The following PTPRD variants were observed in gnomAD, a reference collection of about 807,000 sequenced individuals.
The protein encoded by PTPRD is receptor-type tyrosine-protein phosphatase delta.
In PTPRD, 34 loss-of-function variants were observed where a neutral mutation model predicts 214.5. That is an observed-to-expected ratio of 0.16 (90% CI 0.12 to 0.21). PTPRD has a LOEUF of 0.21. Ranked by LOEUF, PTPRD falls within the 10% of genes least tolerant of loss-of-function variation. The pLI is 1.00. For synonymous variants in PTPRD, 1,128 were observed against 845.7 expected, an observed-to-expected ratio of 1.33 and a Z score of -5.79; for missense variants, 2,545 against 2,398.7, an observed-to-expected ratio of 1.06 and a Z score of -1.27.
rs1265224591 is a variant in PTPRD at position 8,924,080 on chromosome 9, TCTA to T, written c.-104+94614_-104+94616del. On this transcript the variant is annotated intron_variant, in intron 11 of 45. Coordinates refer to ENST00000381196, the MANE Select transcript of PTPRD (RefSeq NM_002839.4). ...GAAATATTTTAATTTTATTATTATG[TCTA>T]CTATTTGTCTTCATAAGGCGCAGTC... is the stretch of plus-strand genomic sequence containing the variant. 4.0e-5 allele frequency among the ~76,000 whole-genome samples: 6 copies of T among 151,154 alleles called. No homozygotes were observed. In the East Asian group the frequency reaches 5.9e-4, roughly 15 times the overall value.
chr9:9,473,460 T>C (rs890016920), intron 8 of PTPRD, among the ~76,000 whole-genome samples: 15 of 152,178 alleles, frequency 9.9e-5, no homozygotes, highest in Non-Finnish European at 1.5e-4. Context: ...CTTTGATATA[T>C]TGATTTTCTT....
intron 33 of PTPRD, among the ~76,000 whole-genome samples, chr9:8,450,810 C>A (rs1357775739): frequency 6.6e-6 from 1 of 152,042 alleles, no homozygotes; most frequent in Non-Finnish European, 1.5e-5. Flanking sequence ...GATTAAAAAC[C>A]CATTGAATCA....
chr9:10,383,707 A>G (rs994689530), intron 2 of PTPRD, among the ~76,000 whole-genome samples: 13 of 151,830 alleles, frequency 8.6e-5, no homozygotes, highest in African/African-American at 3.1e-4. Context: ...ATGACAAGAT[A>G]GAATCTCTAG....
At chr9:10,003,035 G>A (rs2154095394) in intron 4 of PTPRD, among the ~76,000 whole-genome samples, 1 of 151,794 alleles carries the variant, frequency 6.6e-6, no homozygotes, top group East Asian at 1.9e-4. Context: ...AAGAGAAACA[G>A]TTAATAATTA....
At chr9:9,493,433 T>A (rs1164848896) in intron 8 of PTPRD, among the ~76,000 whole-genome samples, 2 of 152,126 alleles carry the variant, frequency 1.3e-5, no homozygotes, top group African/African-American at 4.8e-5. Flanking sequence ...GGTACCACAA[T>A]AACCATTCTG....
In PTPRD at chr9:9,900,641, G is replaced by GTTTTTTTTTTTTTTTTTTTT. The variant is rs1555302230; in HGVS notation, c.-368+37865_-368+37866insAAAAAAAAAAAAAAAAAAAA. ...TCCAAAGGTGCTTCCACATTTTCAG[G>GTTTTTTTTTTTTTTTTTTTT]TTTTTTTTTTTTTTGAGATGGAGTC... On this transcript the variant is annotated intron_variant, in intron 5 of 45. Transcript: ENST00000381196. Among the ~76,000 whole-genome samples, 17 of 120,100 alleles carry GTTTTTTTTTTTTTTTTTTTT rather than the reference G, an allele frequency of 1.4e-4. 1 individual carries two copies. Among genetic ancestry groups the GTTTTTTTTTTTTTTTTTTTT allele is most frequent in the African/African-American group, 3.7e-4 (12 of 32,090 alleles). The allele number at this position is 120,100 out of a possible 152,430, so 78.8% of individuals were successfully genotyped here. A position where few individuals can be genotyped will look rare whatever the true frequency, so the allele number is the denominator to read the frequency against.
chr9:8,519,876 T>C (rs931390751), intron 20 of PTPRD, among the ~76,000 whole-genome samples: 1 of 152,158 alleles, frequency 6.6e-6, no homozygotes, highest in Non-Finnish European at 1.5e-5. Flanking sequence ...GCCCCTGCTT[T>C]TGAATTCTTA....
chr9:9,271,836 AG>A (rs1184091869), intron 9 of PTPRD, among the ~76,000 whole-genome samples: 4 of 151,416 alleles, frequency 2.6e-5, no homozygotes, highest in African/African-American at 9.7e-5. Context: ...CAAAGGTATA[AG>A]AAGTTCAAAA....
chr9:9,879,123 C>G (rs1413513965), intron 5 of PTPRD, among the ~76,000 whole-genome samples: 1 of 152,140 alleles, frequency 6.6e-6, no homozygotes, highest in Admixed American at 6.5e-5. Flanking sequence ...TATAATTTAG[C>G]CTTAGGCTCC....
intron 5 of PTPRD, among the ~76,000 whole-genome samples, chr9:9,932,327 G>GA (rs1161331336): frequency 1.4e-5 from 2 of 143,012 alleles, no homozygotes; most frequent in Non-Finnish European, 3.0e-5. Flanking sequence ...TGAAAACTTT[G>GA]AAAAAAATTT....
chr9:9,421,540 T>A (rs2078810991), intron 8 of PTPRD, among the ~76,000 whole-genome samples: 1 of 152,110 alleles, frequency 6.6e-6, no homozygotes, highest in South Asian at 2.1e-4. Flanking sequence ...GTTTTCTTAT[T>A]CTTTGTTCTG....
chr9:10,423,196 A>C (rs1056352241), intron 2 of PTPRD, among the ~76,000 whole-genome samples: 2 of 151,488 alleles, frequency 1.3e-5, no homozygotes, highest in Non-Finnish European at 2.9e-5. Context: ...TGAGTAAACT[A>C]TCACAAGGAC....
At chr9:9,193,419 G>A (rs2099936454) in intron 9 of PTPRD, among the ~76,000 whole-genome samples, 1 of 152,092 alleles carries the variant, frequency 6.6e-6, no homozygotes, top group African/African-American at 2.4e-5. Flanking sequence ...GTACACTCAT[G>A]TATCACTTGA....
intron 3 of PTPRD, among the ~76,000 whole-genome samples, chr9:10,193,951 A>T (rs1287753171): frequency 6.6e-6 from 1 of 152,148 alleles, no homozygotes; most frequent in Non-Finnish European, 1.5e-5. Context: ...GTGATCAACT[A>T]TTGCTGTGCT....
At chr9:9,140,957 T>G (rs2154480812) in intron 10 of PTPRD, among the ~76,000 whole-genome samples, 1 of 152,284 alleles carries the variant, frequency 6.6e-6, no homozygotes, top group East Asian at 1.9e-4. Context: ...CAATTTCCCC[T>G]GTGGTTAGAA....
chr9:10,346,601 A>G (rs12347325), intron 2 of PTPRD, among the ~76,000 whole-genome samples: 57 of 152,358 alleles, frequency 3.7e-4, no homozygotes, highest in Middle Eastern at 6.8e-3. Flanking sequence ...AGATTTTTTA[A>G]ACATTCATGA....
At chr9:9,406,882 A>C (rs1436724192) in intron 8 of PTPRD, among the ~76,000 whole-genome samples, 1 of 151,180 alleles carries the variant, frequency 6.6e-6, no homozygotes, top group Non-Finnish European at 1.5e-5. Context: ...CTTCCGTAGA[A>C]AAGGCATTTT....
At chr9:8,321,519 AT>A (rs1563891971) in intron 44 of PTPRD, among the ~76,000 whole-genome samples, 47 of 132,492 alleles carry the variant, frequency 3.5e-4, no homozygotes, top group Admixed American at 7.5e-4. Flanking sequence ...ATATATATAT[AT>A]ATATATAAAA....
intron 33 of PTPRD, among the ~76,000 whole-genome samples, chr9:8,458,267 G>C (rs1004456823): frequency 6.6e-6 from 1 of 152,100 alleles, no homozygotes; most frequent in Non-Finnish European, 1.5e-5. Flanking sequence ...ACTTGCAGAT[G>C]AAGGAAGAAA....
Sources: gnomAD v4.1 joint callset for allele counts (sites outside exome capture counted in the v4.1 genomes callset) on GRCh38, gnomAD v4.1.1 for gene constraint, MANE v1.5 for transcripts, NCBI Gene and HGNC (gene_info 2026-07-23, HGNC 2026-07-21) for gene names.